ROBO1: variants seen among roughly 807,000 people sequenced by gnomAD.
ROBO1 encodes the protein roundabout homolog 1.
ROBO1 carries 149 observed loss-of-function variants against 195.9 expected under a neutral mutation model. That is an observed-to-expected ratio of 0.76 (90% CI 0.67 to 0.87). ROBO1 has a LOEUF of 0.87. ROBO1 is among the 40% of genes least tolerant of loss of function. The pLI is 0.00. For synonymous variants in ROBO1, 816 were observed against 733.2 expected (o/e 1.11, Z -1.82); for missense variants, 1,933 against 2,068.3 (o/e 0.93, Z 1.27).
chr3:78,754,691 G>T (rs2082883231), intron 4 of ROBO1, among the ~76,000 whole-genome samples: 1 of 152,106 alleles, frequency 6.6e-6, no homozygotes, highest in Non-Finnish European at 1.5e-5. Context: ...GTAGTGCTTG[G>T]GGTATAGGGA....
intron 1 of ROBO1, among the ~76,000 whole-genome samples, chr3:79,675,990 G>C (rs1331345688): frequency 6.6e-6 from 1 of 151,930 alleles, no homozygotes; most frequent in Non-Finnish European, 1.5e-5. Flanking sequence ...CCTTATGAAG[G>C]CTCCTGTGTC....
chr3:79,148,719 A>C (rs772411766), intron 2 of ROBO1, among the ~76,000 whole-genome samples: 3 of 151,886 alleles, frequency 2.0e-5, no homozygotes, highest in Non-Finnish European at 4.4e-5. Flanking sequence ...AAAGCTTAAG[A>C]ATACAAATGA....
intron 3 of ROBO1, among the ~76,000 whole-genome samples, chr3:79,064,137 A>G (rs2078966823): frequency 6.6e-6 from 1 of 151,986 alleles, no homozygotes; most frequent in Admixed American, 6.6e-5. Flanking sequence ...TGATGGATAT[A>G]CTAATTACTC....
chr3:79,580,575 G>T (rs768935559), intron 2 of ROBO1, among the ~76,000 whole-genome samples: 4 of 151,864 alleles, frequency 2.6e-5, no homozygotes, highest in African/African-American at 4.8e-5. Context: ...ATAAAAGTTT[G>T]TTACTTTATA....
chr3:78,611,998 T>TA (rs1454496986), intron 28 of ROBO1, among the ~76,000 whole-genome samples: 1 of 152,190 alleles, frequency 6.6e-6, no homozygotes, highest in African/African-American at 2.4e-5. Context: ...TGGTCTATGG[T>TA]ACTTTGTTAT....
intron 2 of ROBO1, among the ~76,000 whole-genome samples, chr3:79,410,269 GC>G (rs1456393242): frequency 5.1e-4 from 77 of 152,156 alleles, no homozygotes; most frequent in African/African-American, 1.8e-3. Context: ...GGCAAAACAA[GC>G]AAAAAGTTAT....
chr3:79,190,407 T>A (rs993296086), intron 2 of ROBO1, among the ~76,000 whole-genome samples: 1 of 151,652 alleles, frequency 6.6e-6, no homozygotes. Context: ...AATAACTGCA[T>A]GTGAATAGTG....
intron 1 of ROBO1, among the ~76,000 whole-genome samples, chr3:79,656,544 T>G (rs1429920467): frequency 6.6e-6 from 1 of 152,072 alleles, no homozygotes; most frequent in African/African-American, 2.4e-5. Flanking sequence ...TATCTATCTA[T>G]TTTTACTGTC....
chr3:79,435,557 G>A (rs185955684), intron 2 of ROBO1, among the ~76,000 whole-genome samples: 7 of 152,164 alleles, frequency 4.6e-5, no homozygotes, highest in African/African-American at 1.7e-4. Flanking sequence ...TAGCATTTTA[G>A]GCTGAGTCTA....
intron 1 of ROBO1, among the ~76,000 whole-genome samples, chr3:79,739,070 G>C (rs1703511217): frequency 6.6e-6 from 1 of 152,126 alleles, no homozygotes; most frequent in South Asian, 2.1e-4. Context: ...CAGAGTTTAG[G>C]AAAAGAAATG....
intron 2 of ROBO1, among the ~76,000 whole-genome samples, chr3:79,251,515 G>C (rs548213929): frequency 2.9e-4 from 44 of 152,166 alleles, no homozygotes; most frequent in Non-Finnish European, 4.9e-4. Flanking sequence ...CACTTTGGGA[G>C]GCCGAGGAGA....
Position 79,236,619 on chromosome 3 carries a change from G to A in ROBO1, c.89-111080C>T, listed in dbSNP as rs148901741. On this transcript the variant is annotated intron_variant, in intron 2 of 30. Coordinates refer to ENST00000464233, the MANE Select transcript of ROBO1 (RefSeq NM_002941.4). ...TTTTTAAATTTTTCTTTTGAATCAGGATTTGAAGATGTAACCTCTGAAAAA... is the reference window on the plus strand; with the variant it reads ...TTTTTAAATTTTTCTTTTGAATCAGAATTTGAAGATGTAACCTCTGAAAAA... Among the ~76,000 whole-genome samples the A allele has an allele frequency of 3.9e-4, 59 of 151,968 alleles. 1 individual carries two copies. Among genetic ancestry groups the A allele is most frequent in the African/African-American group, 1.4e-3 (56 of 41,432 alleles).
At chr3:78,682,406 T>C (rs1464572704) in intron 10 of ROBO1, among the ~76,000 whole-genome samples, 2 of 150,268 alleles carry the variant, frequency 1.3e-5, no homozygotes, top group East Asian at 3.9e-4. Context: ...TATCAAAAAA[T>C]ATATATACAC....
At chr3:79,109,720 T>A (rs1308168093) in intron 3 of ROBO1, among the ~76,000 whole-genome samples, 2 of 152,132 alleles carry the variant, frequency 1.3e-5, no homozygotes, top group African/African-American at 4.8e-5. Context: ...GAATTAAAAT[T>A]GACTAGGAGG....
intron 4 of ROBO1, among the ~76,000 whole-genome samples, chr3:78,903,897 TA>T (rs1329540183): frequency 2.6e-5 from 4 of 152,206 alleles, no homozygotes; most frequent in Non-Finnish European, 4.4e-5. Flanking sequence ...CTCTGCCATT[TA>T]ATAATTAAGT....
intron 2 of ROBO1, among the ~76,000 whole-genome samples, chr3:79,432,850 A>AATTTATTTAGGCCATGTATT (rs2038730672): frequency 6.6e-6 from 1 of 152,158 alleles, no homozygotes; most frequent in Non-Finnish European, 1.5e-5. Flanking sequence ...ACACATGTAT[A>AATTTATTTAGGCCATGTATT]ATTTATTTAG....
intron 2 of ROBO1, among the ~76,000 whole-genome samples, chr3:79,139,455 C>G (rs1344044036): frequency 6.6e-6 from 1 of 152,080 alleles, no homozygotes; most frequent in East Asian, 1.9e-4. Flanking sequence ...AATTATGCAT[C>G]AGTATGACAC....
At chr3:79,582,241 T>C (rs1943685285) in intron 2 of ROBO1, among the ~76,000 whole-genome samples, 1 of 151,824 alleles carries the variant, frequency 6.6e-6, no homozygotes, top group East Asian at 1.9e-4. Context: ...TTCATCTCTA[T>C]GGTCCTATTC....
At chr3:79,014,014 G>C (rs1482087349) in intron 3 of ROBO1, among the ~76,000 whole-genome samples, 2 of 151,970 alleles carry the variant, frequency 1.3e-5, no homozygotes, top group African/African-American at 4.8e-5. Flanking sequence ...ATATTCTAAA[G>C]TCTTATCATA....
Sources: gnomAD v4.1 joint callset for allele counts (sites outside exome capture counted in the v4.1 genomes callset) on GRCh38, gnomAD v4.1.1 for gene constraint, MANE v1.5 for transcripts, NCBI Gene and HGNC (gene_info 2026-07-23, HGNC 2026-07-21) for gene names.